VPS13B: variants seen among roughly 807,000 people sequenced by gnomAD.
The protein encoded by VPS13B is vacuolar protein sorting 13 homolog B.
A neutral mutation model predicts 426.4 loss-of-function variants in VPS13B; 285 were observed. The observed-to-expected ratio is 0.67, with a 90% CI of 0.61 to 0.74. The LOEUF (loss-of-function observed/expected upper bound fraction) is 0.74, where lower values mean the gene tolerates loss of function less well. Ranked by LOEUF, VPS13B falls within the 30% of genes least tolerant of loss-of-function variation. The pLI, the probability that VPS13B is intolerant of heterozygous loss-of-function variation, is 0.00. For missense variants in VPS13B, 4,537 were observed against 4,782.6 expected (o/e 0.95, Z 1.51); for synonymous variants, 1,676 against 1,676.4 (o/e 1.00, Z 0.01).
At chr8:99,290,888 C>T (rs574355517) in intron 19 of VPS13B, among the ~76,000 whole-genome samples, 195 of 152,044 alleles carry the variant, frequency 1.3e-3, no homozygotes, top group African/African-American at 4.3e-3. Context: ...GGGATGGGAT[C>T]AATGGTAATA....
At chr8:99,577,745 A>G in intron 33 of VPS13B, 112 bp downstream of exon 33, 1 of 1,373,316 alleles carries the variant, frequency 7.3e-7, no homozygotes, top group Non-Finnish European at 1.0e-6. Context: ...TCTGTGTTTA[A>G]CTTTATTCAA....
chr8:99,737,282 G>A (rs927263439), intron 39 of VPS13B, among the ~76,000 whole-genome samples: 19 of 151,156 alleles, frequency 1.3e-4, no homozygotes, highest in African/African-American at 2.7e-4. Flanking sequence ...CACCACGCCC[G>A]GCTAATTTTT....
chr8:99,703,657 T>C (rs191625877), intron 36 of VPS13B, among the ~76,000 whole-genome samples: 3 of 152,346 alleles, frequency 2.0e-5, no homozygotes, highest in African/African-American at 7.2e-5. Flanking sequence ...CCCTTACGTG[T>C]ATATACAACG....
chr8:99,548,261 C>A (rs1824094446), intron 30 of VPS13B, among the ~76,000 whole-genome samples: 1 of 151,922 alleles, frequency 6.6e-6, no homozygotes, highest in African/African-American at 2.4e-5. Flanking sequence ...TCATTTTTGG[C>A]ATTGTAATCA....
chr8:99,818,396 A>T (rs542706512), intron 45 of VPS13B, 55 bp from the exon 46 acceptor site: 1 of 1,502,786 alleles, frequency 6.7e-7, no homozygotes, highest in African/African-American at 1.4e-5. Context: ...CCTTATTTTG[A>T]TTAATTAGTA....
intron 20 of VPS13B, among the ~76,000 whole-genome samples, 193 bp from the exon 21 acceptor site, chr8:99,391,364 T>A (rs964253845): frequency 2.1e-5 from 3 of 145,380 alleles, no homozygotes; most frequent in African/African-American, 5.0e-5. Flanking sequence ...TGTGTGTGTG[T>A]GAGAGAGAGA....
intron 19 of VPS13B, among the ~76,000 whole-genome samples, chr8:99,315,051 T>C (rs139246452): frequency 1.0e-3 from 152 of 152,304 alleles, no homozygotes; most frequent in Non-Finnish European, 1.3e-3. Flanking sequence ...TTAGATCATG[T>C]TTTTTTATAA....
At chr8:99,342,712 G>A (rs1364371005) in intron 19 of VPS13B, among the ~76,000 whole-genome samples, 1 of 152,130 alleles carries the variant, frequency 6.6e-6, no homozygotes, top group Non-Finnish European at 1.5e-5. Context: ...ACATGGCAGT[G>A]CAGATATCCC....
chr8:99,495,176 C>A (rs1012622603), intron 25 of VPS13B, among the ~76,000 whole-genome samples: 71 of 152,232 alleles, frequency 4.7e-4, no homozygotes, highest in African/African-American at 1.6e-3. Flanking sequence ...ACATAGTCTT[C>A]TTCATAATAT....
chr8:99,647,115 G>T (rs754459354), intron 34 of VPS13B, among the ~76,000 whole-genome samples: 43 of 151,540 alleles, frequency 2.8e-4, no homozygotes, highest in Non-Finnish European at 4.9e-4. Flanking sequence ...GTTTTGAGAG[G>T]ACAATAACAT....
intron 2 of VPS13B, among the ~76,000 whole-genome samples, chr8:99,016,095 C>G (rs1253118269): frequency 6.6e-6 from 1 of 152,180 alleles, no homozygotes; most frequent in Non-Finnish European, 1.5e-5. Flanking sequence ...CAGTACTATT[C>G]CATTGCATAA....
chr8:99,175,888 G>T (rs1266706233), intron 16 of VPS13B, among the ~76,000 whole-genome samples: 2 of 152,316 alleles, frequency 1.3e-5, no homozygotes, highest in Admixed American at 6.5e-5. Flanking sequence ...AATCATAACT[G>T]CATAAAGTTA....
At chr8:99,832,282 G>GAA (rs2130856954) in intron 51 of VPS13B, 87 bp from the exon 52 acceptor site, 1 of 1,411,960 alleles carries the variant, frequency 7.1e-7, no homozygotes, top group Non-Finnish European at 9.3e-7. Flanking sequence ...GAAAAGAAAA[G>GAA]AAGATATGCT....
intron 30 of VPS13B, among the ~76,000 whole-genome samples, chr8:99,543,182 G>A (rs1220906751): frequency 6.6e-6 from 1 of 152,086 alleles, no homozygotes. Context: ...TCTGATCTTT[G>A]ACAAACCTGA....
At chr8:99,303,240 A>G (rs370075981) in intron 19 of VPS13B, among the ~76,000 whole-genome samples, 13 of 123,658 alleles carry the variant, frequency 1.1e-4, no homozygotes, top group African/African-American at 3.8e-4. Flanking sequence ...AGATTGCGCC[A>G]CTGCACTCAG....
intron 25 of VPS13B, among the ~76,000 whole-genome samples, chr8:99,487,207 C>T (rs559594250): frequency 6.6e-6 from 1 of 151,668 alleles, no homozygotes; most frequent in South Asian, 2.1e-4. Flanking sequence ...GAGAGTAGAT[C>T]TAGAGGGCCA....
At chr8:99,821,531 T>A in intron 50 of VPS13B, 49 bp downstream of exon 50, 2 of 1,605,616 alleles carry the variant, frequency 1.2e-6, no homozygotes, top group Non-Finnish European at 8.5e-7. Context: ...GCCATCCCCT[T>A]AACCTGTCTA....
intron 19 of VPS13B, among the ~76,000 whole-genome samples, chr8:99,355,791 C>A (rs1812150965): frequency 6.6e-6 from 1 of 152,044 alleles, no homozygotes; most frequent in Non-Finnish European, 1.5e-5. Context: ...GCATTTGTGA[C>A]CACTCAATAT....
intron 35 of VPS13B, among the ~76,000 whole-genome samples, chr8:99,699,039 G>A (rs75150816): frequency 0.02 from 3,048 of 150,712 alleles, 111 homozygotes; most frequent in African/African-American, 0.071. Context: ...TTTTCTGCAT[G>A]AACAATTAGA....
Sources: gnomAD v4.1 joint callset for allele counts (sites outside exome capture counted in the v4.1 genomes callset) on GRCh38, gnomAD v4.1.1 for gene constraint, MANE v1.5 for transcripts, NCBI Gene and HGNC (gene_info 2026-07-23, HGNC 2026-07-21) for gene names.